Variants in PHTF2 observed in about 807,000 individuals in gnomAD.
The protein encoded by PHTF2 is putative homeodomain transcription factor 2.
PHTF2 carries 60 observed loss-of-function variants against 101.2 expected under a neutral mutation model. The ratio of observed to expected loss-of-function variants is 0.59; its 90% CI spans 0.48 to 0.73. The LOEUF (loss-of-function observed/expected upper bound fraction) is 0.73, where lower values mean the gene tolerates loss of function less well. PHTF2 is among the 30% of genes least tolerant of loss of function. The probability of loss-of-function intolerance (pLI) is 0.00; values close to 1 mark genes in which losing one functional copy is unlikely to be tolerated. For synonymous variants in PHTF2, 311 were observed against 307.3 expected (o/e 1.01, Z -0.13); for missense variants, 747 against 908.7 (o/e 0.82, Z 2.29).
intron 16 of PHTF2, among the ~76,000 whole-genome samples, chr7:77,945,093 A>G (rs1805938069): frequency 6.6e-6 from 1 of 152,222 alleles, no homozygotes; most frequent in African/African-American, 2.4e-5. Context: ...TAATCCCAGC[A>G]TTTTGGGAGG....
At chr7:77,907,429 T>TAAAC (rs1801967496) in intron 7 of PHTF2, among the ~76,000 whole-genome samples, 1 of 152,164 alleles carries the variant, frequency 6.6e-6, no homozygotes, top group African/African-American at 2.4e-5. Flanking sequence ...AAACTAGCTT[T>TAAAC]TACAAGAAGT....
intron 1 of PHTF2, among the ~76,000 whole-genome samples, chr7:77,814,513 ATTT>A (rs771740540): frequency 3.7e-5 from 5 of 134,878 alleles, no homozygotes; most frequent in Admixed American, 2.2e-4. Context: ...CTTGGGGGGC[ATTT>A]TTTTTTTTTT....
chr7:77,885,452 CT>C (rs1338029149), intron 3 of PHTF2, among the ~76,000 whole-genome samples: 8 of 149,126 alleles, frequency 5.4e-5, no homozygotes, highest in Admixed American at 2.7e-4. Flanking sequence ...TATTGTTATA[CT>C]TTTTTTTTTG....
At chr7:77,853,476 C>A (rs1796927506) in intron 2 of PHTF2, among the ~76,000 whole-genome samples, 1 of 151,926 alleles carries the variant, frequency 6.6e-6, no homozygotes, top group South Asian at 2.1e-4. Flanking sequence ...TCATTGCAGC[C>A]TCTGCCTCCT....
intron 9 of PHTF2, among the ~76,000 whole-genome samples, chr7:77,914,997 C>T (rs1463239315): frequency 2.6e-5 from 4 of 151,894 alleles, no homozygotes; most frequent in South Asian, 2.1e-4. Context: ...CTGCAACCTC[C>T]GCCTCCCGGG....
Position 77,841,075 on chromosome 7 carries a change from C to CTTTTTTTTTTTTTTTTTTTTTT in PHTF2, c.45+795_45+796insTTTTTTTTTTTTTTTTTTTTTT, listed in dbSNP as rs57283892. Among the ~76,000 whole-genome samples, 44 of 77,260 alleles carry CTTTTTTTTTTTTTTTTTTTTTT rather than the reference C, an allele frequency of 5.7e-4. 11 individuals are homozygous for CTTTTTTTTTTTTTTTTTTTTTT. The highest frequency in any genetic ancestry group is 1.5e-3 in the African/African-American group (23 of 14,898). The allele number at this position is 77,260 out of a possible 152,430, so 50.7% of individuals were successfully genotyped here. ...TTTCTTATATAGGAGAAAAAACAGA[C>CTTTTTTTTTTTTTTTTTTTTTT]TTTTTTTTTTTTTTTTTTTTGAGAT... On this transcript the variant is annotated intron_variant, in intron 2 of 19. Coordinates refer to ENST00000416283, the Ensembl canonical transcript of PHTF2.
intron 5 of PHTF2, 180 bp from the exon 5 acceptor site, chr7:77,900,531 A>G (rs1801295295): frequency 1.8e-6 from 1 of 558,304 alleles, no homozygotes; most frequent in Non-Finnish European, 3.2e-6. Flanking sequence ...CTTTTTGAAC[A>G]ATAATAAAAT....
chr7:77,824,966 A>C (rs1794596835), intron 1 of PHTF2, among the ~76,000 whole-genome samples: 1 of 151,898 alleles, frequency 6.6e-6, no homozygotes, highest in Non-Finnish European at 1.5e-5. Context: ...AGACCCCAGG[A>C]GTTTGAGGTT....
chr7:77,939,460 A>C (rs758664315), intron 13 of PHTF2, among the ~76,000 whole-genome samples: 10 of 152,010 alleles, frequency 6.6e-5, no homozygotes, highest in Non-Finnish European at 5.9e-5. Flanking sequence ...CAAAACCCAA[A>C]AAATTAGCTG....
intron 19 of PHTF2, 66 bp from the exon 19 acceptor site, chr7:77,954,790 TTA>T: frequency 1.2e-6 from 1 of 830,922 alleles, no homozygotes; most frequent in Non-Finnish European, 2.0e-6. Flanking sequence ...AAAAATGGTG[TTA>T]TATGATATAA....
chr7:77,900,125 G>C (rs886901539), intron 5 of PHTF2, among the ~76,000 whole-genome samples: 1 of 152,032 alleles, frequency 6.6e-6, no homozygotes, highest in Non-Finnish European at 1.5e-5. Context: ...CCTGGTTATG[G>C]TGTCTAAGTT....
chr7:77,873,877 C>T (rs987433602), intron 3 of PHTF2, among the ~76,000 whole-genome samples: 1 of 152,142 alleles, frequency 6.6e-6, no homozygotes, highest in Non-Finnish European at 1.5e-5. Flanking sequence ...CAGCCACTTG[C>T]GTGATAATAG....
intron 1 of PHTF2, among the ~76,000 whole-genome samples, chr7:77,828,320 TAAC>T (rs1212651748): frequency 6.6e-6 from 1 of 152,206 alleles, no homozygotes; most frequent in Non-Finnish European, 1.5e-5. Flanking sequence ...TTTAAGTACT[TAAC>T]AAAACAAAAA....
intron 5 of PHTF2, among the ~76,000 whole-genome samples, chr7:77,899,168 C>T (rs931244140): frequency 5.9e-5 from 9 of 152,096 alleles, no homozygotes; most frequent in Non-Finnish European, 7.4e-5. Flanking sequence ...CTTAGGAACA[C>T]GAGACACTGT....
At chr7:77,910,118 T>C in intron 8 of PHTF2, 127 bp from the exon 8 acceptor site, 1 of 659,928 alleles carries the variant, frequency 1.5e-6, no homozygotes, top group Middle Eastern at 4.2e-4. Context: ...ATCTAGTAAA[T>C]CTAAATTTTA....
At chr7:77,868,178 G>A (rs1445493467) in intron 3 of PHTF2, among the ~76,000 whole-genome samples, 1 of 151,376 alleles carries the variant, frequency 6.6e-6, no homozygotes, top group African/African-American at 2.4e-5. Context: ...GTCTCACTTT[G>A]TTGCCAGGCT....
At chr7:77,942,825 A>G (rs1281740982) in intron 16 of PHTF2, 39 bp downstream of exon 15, 5 of 897,690 alleles carry the variant, frequency 5.6e-6, no homozygotes, top group Middle Eastern at 4.4e-4. Context: ...AACCAGATAT[A>G]TAAATATTAA....
At chr7:77,849,184 C>T (rs1347541308) in intron 2 of PHTF2, among the ~76,000 whole-genome samples, 8 of 152,008 alleles carry the variant, frequency 5.3e-5, no homozygotes, top group South Asian at 4.1e-4. Flanking sequence ...AATGTAGTGG[C>T]GTGATCCCGG....
In PHTF2 at chr7:77,893,631, A is replaced by G. The variant is rs202166525; in HGVS notation, c.171A>G (p.Ile57Met). The change falls in exon 4 of 20, where the codon ATA (isoleucine) becomes ATG (methionine). Residue 57 changes from isoleucine (I) to methionine (M), a missense_variant. Around this residue, in one of 6 missense-constraint regions of PHTF2, gnomAD observed 96 missense variants for 91.3 expected, o/e 1.05. Transcript: ENST00000416283. ...AGATTGGAGCATATGATCAACAAAT[A>G]TGGGAAAAATCTGTTGAACAGAGAG... The G allele has an allele frequency of 2.3e-4, 325 of 1,439,988 alleles. No homozygotes were observed. Among genetic ancestry groups the G allele is most frequent in the Admixed American group, 4.4e-4 (24 of 54,338 alleles). 89.2% of individuals were successfully genotyped at this position (1,439,988 alleles called of 1,614,324 possible). A position where few individuals can be genotyped will look rare whatever the true frequency, so the allele number is the denominator to read the frequency against.
Sources: gnomAD v4.1 joint callset for allele counts (sites outside exome capture counted in the v4.1 genomes callset) on GRCh38, gnomAD v4.1.1 for gene constraint, gnomAD v4.1.1 regional missense constraint, MANE v1.5 for transcripts, NCBI Gene and HGNC (gene_info 2026-07-23, HGNC 2026-07-21) for gene names.